The following APAF1 variants were observed in gnomAD, a reference collection of about 807,000 sequenced individuals.
APAF1 encodes the protein apoptotic protease-activating factor 1.
Under a neutral mutation model 152.4 loss-of-function variants are expected in APAF1, and 91 were observed. The observed-to-expected ratio is 0.60, with a 90% CI of 0.50 to 0.71. The LOEUF (loss-of-function observed/expected upper bound fraction) is 0.71, where lower values mean the gene tolerates loss of function less well. Ranked by LOEUF, APAF1 falls within the 30% of genes least tolerant of loss-of-function variation. The pLI is 0.00. For missense variants in APAF1, 1,283 were observed against 1,472.0 expected, an observed-to-expected ratio of 0.87 and a Z score of 2.10; for synonymous variants, 484 against 494.1, an observed-to-expected ratio of 0.98 and a Z score of 0.27.
Position 98,658,950 on chromosome 12 carries a change from A to G in APAF1, c.527-210A>G, listed in dbSNP as rs573732089. Among the ~76,000 whole-genome samples, 5 of 152,332 alleles carry G rather than the reference A, an allele frequency of 3.3e-5. No homozygotes were observed. The East Asian group carries it at 7.7e-4, about 24-fold the overall frequency. Reference sequence around the variant, plus strand: ...CCCGATAAGCCACAGATTTACTTCAAACTTCAGTTTCTTCACATCTTCAAC... The same window carrying G: ...CCCGATAAGCCACAGATTTACTTCAGACTTCAGTTTCTTCACATCTTCAAC... On this transcript the variant is annotated intron_variant, in intron 4 of 26. Coordinates refer to ENST00000551964, the MANE Select transcript of APAF1 (RefSeq NM_181861.2).
At chr12:98,721,204 A>G (rs2153342870) in intron 22 of APAF1, among the ~76,000 whole-genome samples, 1 of 152,318 alleles carries the variant, frequency 6.6e-6, no homozygotes. Context: ...ACTCATCATC[A>G]TTGCCTAGTC....
intron 16 of APAF1, among the ~76,000 whole-genome samples, chr12:98,697,362 C>G (rs894027320): frequency 1.3e-5 from 2 of 152,174 alleles, no homozygotes; most frequent in African/African-American, 2.4e-5. Context: ...TCTTACTTCC[C>G]TTACTGGCCT....
intron 20 of APAF1, 125 bp from the exon 21 acceptor site, chr12:98,712,193 TC>T: frequency 1.4e-6 from 1 of 702,680 alleles, no homozygotes; most frequent in South Asian, 1.5e-5. Context: ...GGCTTGTTGT[TC>T]CCCTGAGAGC....
chr12:98,687,224 G>A (rs910314569), intron 16 of APAF1, among the ~76,000 whole-genome samples: 2 of 152,112 alleles, frequency 1.3e-5, no homozygotes, highest in Non-Finnish European at 2.9e-5. Context: ...TTAGCTGGGT[G>A]TGGTGGTGAG....
Position 98,662,685 on chromosome 12 carries a change from T to G in APAF1, c.834T>G (p.Tyr278Ter). 1.2e-6 allele frequency: 2 copies of G among 1,613,308 alleles called. No individual in the cohort carries two copies. Among genetic ancestry groups the G allele is most frequent in the Non-Finnish European group, 8.5e-7 (1 of 1,179,704 alleles). ...SVTDSVMGPK[Y>*]VVPVESSLGK... ...GATTTTTGTTTGCAGGTCCTAAATATGTAGTCCCTGTGGAGAGTTCCTTAG... is the reference window on the plus strand; with the variant it reads ...GATTTTTGTTTGCAGGTCCTAAATAGGTAGTCCCTGTGGAGAGTTCCTTAG... Residue 278 changes from tyrosine (Y) to a stop codon, truncating the protein, a stop_gained, in exon 7 of 27, where the codon TAT becomes TAG. Transcript: ENST00000551964. LOFTEE classifies it high-confidence loss of function.
intron 16 of APAF1, among the ~76,000 whole-genome samples, chr12:98,692,342 C>T (rs1055475021): frequency 6.6e-6 from 1 of 152,148 alleles, no homozygotes; most frequent in Non-Finnish European, 1.5e-5. Flanking sequence ...CTCGGCCTCC[C>T]AAAGTGCTGG....
chr12:98,679,892 C>T (rs985813775), intron 13 of APAF1, among the ~76,000 whole-genome samples: 3 of 152,274 alleles, frequency 2.0e-5, no homozygotes, highest in Non-Finnish European at 4.4e-5. Context: ...ACGCCTGACT[C>T]GCCCTTGGCA....
intron 21 of APAF1, among the ~76,000 whole-genome samples, chr12:98,713,798 T>C (rs573192180): frequency 6.6e-6 from 1 of 152,316 alleles, no homozygotes; most frequent in Admixed American, 6.5e-5. Flanking sequence ...CATAAGGAAT[T>C]ACACAAATAT....
chr12:98,735,034 GC>G lies in APAF1; in HGVS notation c.*2471del, dbSNP rs1191465040. ...AGGCTAAGACAGGAGGATTCCTTGA[GC>G]CCTGGAGTTTGAGTCCAGCCTGGGT... On this transcript the variant is annotated 3_prime_UTR_variant, in exon 27 of 27. Transcript: ENST00000551964. The G allele has an allele frequency of 1.5e-5, 6 of 391,770 alleles. No individual in the cohort carries two copies. The highest frequency in any genetic ancestry group is 2.2e-5 in the Non-Finnish European group (5 of 222,562). 24.3% of individuals were successfully genotyped at this position (391,770 alleles called of 1,614,324 possible). A position where few individuals can be genotyped will look rare whatever the true frequency, so the allele number is the denominator to read the frequency against.
At chr12:98,673,442 C>CAAAAA (rs1162049645) in intron 12 of APAF1, among the ~76,000 whole-genome samples, 2 of 89,254 alleles carry the variant, frequency 2.2e-5, no homozygotes, top group African/African-American at 8.4e-5. Context: ...TCTCAAAAAA[C>CAAAAA]AAAAAAAAAA....
At chr12:98,680,638 A>G (rs1037894926) in intron 14 of APAF1, among the ~76,000 whole-genome samples, 12 of 152,032 alleles carry the variant, frequency 7.9e-5, no homozygotes, top group African/African-American at 2.9e-4. Flanking sequence ...GTAAACTCCA[A>G]TTCCTGGGCT....
At chr12:98,685,818 G>A (rs1410371400) in intron 15 of APAF1, among the ~76,000 whole-genome samples, 2 of 151,864 alleles carry the variant, frequency 1.3e-5, no homozygotes, top group South Asian at 2.1e-4. Context: ...TGTGTTTTTA[G>A]TAGAGATGGG....
In APAF1 at chr12:98,727,162, T is replaced by C. The variant is rs990619311; in HGVS notation, c.3457-11T>C. On this transcript the variant is annotated splice_polypyrimidine_tract_variant and intron_variant, in intron 25 of 26. Transcript: ENST00000551964. ...AACTCTGTTAATGAATTGTGTATCA[T>C]GTTTATGTAGATATGGAATGTCTCA... The C allele has an allele frequency of 1.5e-5, 25 of 1,613,776 alleles. No individual in the cohort carries two copies. The highest frequency in any genetic ancestry group is 2.1e-5 in the Non-Finnish European group (25 of 1,179,826).
In APAF1 at chr12:98,648,672, A is replaced by G; in HGVS notation, c.185A>G (p.Lys62Arg). The change falls in exon 3 of 27, where the codon AAA (lysine) becomes AGA (arginine). Residue 62 changes from lysine (K) to arginine (R), a missense_variant. Coordinates refer to ENST00000551964, the MANE Select transcript of APAF1 (RefSeq NM_181861.2). ...RAAMLIKMIL[K>R]KDNDSYVSFY... is the part of the protein sequence containing the mutation. ...GCTATGCTGATTAAAATGATACTTA[A>G]AAAAGATAATGATTCCTACGTATCA... The G allele has an allele frequency of 1.9e-6, 3 of 1,613,876 alleles. No homozygotes were observed. Among genetic ancestry groups the G allele is most frequent in the Non-Finnish European group, 2.5e-6 (3 of 1,179,942 alleles).
intron 26 of APAF1, among the ~76,000 whole-genome samples, chr12:98,730,146 G>C (rs1458812595): frequency 6.6e-6 from 1 of 152,086 alleles, no homozygotes; most frequent in Non-Finnish European, 1.5e-5. Context: ...CCTTTACAAG[G>C]TTTCATTGAA....
intron 1 of APAF1, among the ~76,000 whole-genome samples, chr12:98,648,040 G>A (rs12049983): frequency 6.6e-6 from 1 of 152,012 alleles, no homozygotes; most frequent in East Asian, 1.9e-4. Context: ...TAAATCCTTA[G>A]AAATGGGATT....
intron 12 of APAF1, among the ~76,000 whole-genome samples, chr12:98,672,001 G>A (rs973142879): frequency 1.4e-4 from 22 of 152,136 alleles, no homozygotes; most frequent in African/African-American, 4.8e-4. Context: ...TAGTATAGTG[G>A]TGAGGAGCAT....
intron 10 of APAF1, among the ~76,000 whole-genome samples, chr12:98,669,884 CCCCTCCCCTCTTCCTG>C (rs1203766024): frequency 0.035 from 4,936 of 141,378 alleles, 163 homozygotes; most frequent in African/African-American, 0.085. Context: ...CCCTTCCCCT[CCCCTCCCCTCTTCCTG>C]CCCTCCCCTC....
rs1223644343 is a variant in APAF1, at chr12:98,665,647, T to A, written c.1050T>A (p.Phe350Leu). The A allele has an allele frequency of 6.2e-7, 1 of 1,614,012 alleles. No homozygotes were observed. The highest frequency in any genetic ancestry group is 8.5e-7 in the Non-Finnish European group (1 of 1,179,958). The change falls in exon 8 of 27, where the codon TTT becomes TTA. Residue 350 changes from phenylalanine (F) to leucine (L), a missense_variant. Coordinates refer to ENST00000551964, the MANE Select transcript of APAF1 (RefSeq NM_181861.2). ...TCAAACAGCTTCAGAATAAGCAGTT[T>A]AAGAGAATAAGGAAATCTTCGTCTT... The part of the protein sequence containing the change: ...YYLKQLQNKQ[F>L]KRIRKSSSYD...
Sources: allele counts gnomAD v4.1 joint callset (sites outside exome capture counted in the v4.1 genomes callset), GRCh38; gene constraint gnomAD v4.1.1; transcripts MANE v1.5; gene names NCBI Gene and HGNC (gene_info 2026-07-23, HGNC 2026-07-21).